TRPS1: variants seen among roughly 807,000 people sequenced by gnomAD.
The protein encoded by TRPS1 is transcriptional repressor GATA binding 1, also known as zinc finger transcription factor Trps1.
In TRPS1, 6 loss-of-function variants were observed where a neutral mutation model predicts 101.2. That is an observed-to-expected ratio of 0.06 (90% CI 0.03 to 0.12). The LOEUF is 0.12. Among genes scored for constraint, TRPS1 ranks in the 10% least tolerant of loss-of-function variants. TRPS1 has a pLI of 1.00. For missense variants in TRPS1, 1,363 were observed against 1,567.0 expected (o/e 0.87, Z 2.20); for synonymous variants, 578 against 589.8 (o/e 0.98, Z 0.29).
intron 5 of TRPS1, among the ~76,000 whole-genome samples, chr8:115,434,107 T>C (rs1036698176): frequency 0.012 from 1 of 82 alleles, no homozygotes; most frequent in East Asian, 0.17. Flanking sequence ...AGGATATCCA[T>C]TCAGACTACC....
chr8:115,566,102 G>T (rs956212295), intron 5 of TRPS1, among the ~76,000 whole-genome samples: 2 of 152,058 alleles, frequency 1.3e-5, no homozygotes, highest in African/African-American at 4.8e-5. Flanking sequence ...TAACATCTTT[G>T]ATACTAATGT....
chr8:115,657,415 C>G (rs1398912735), intron 1 of TRPS1, among the ~76,000 whole-genome samples: 3 of 152,112 alleles, frequency 2.0e-5, no homozygotes, highest in Non-Finnish European at 4.4e-5. Context: ...TTGAACTACA[C>G]TAGCTCAACT....
At chr8:115,532,140 A>G (rs978329804) in intron 5 of TRPS1, among the ~76,000 whole-genome samples, 2 of 152,160 alleles carry the variant, frequency 1.3e-5, no homozygotes, top group African/African-American at 4.8e-5. Context: ...CAGACCTTGG[A>G]AAATACATAT....
chr8:115,533,436 G>GTTTTTTTTGTTT (rs1816188680), intron 5 of TRPS1, among the ~76,000 whole-genome samples: 2 of 34,986 alleles, frequency 5.7e-5, no homozygotes, highest in Non-Finnish European at 1.1e-4. Context: ...CATGTAATCT[G>GTTTTTTTTGTTT]TTTTTTTTTT....
At chr8:115,596,735 C>G (rs1040988896) in intron 4 of TRPS1, among the ~76,000 whole-genome samples, 4 of 151,140 alleles carry the variant, frequency 2.6e-5, no homozygotes, top group Admixed American at 2.0e-4. Context: ...ATACATACAT[C>G]TATGTATGTG....
intron 5 of TRPS1, among the ~76,000 whole-genome samples, chr8:115,467,480 T>A (rs1399828880): frequency 6.6e-6 from 1 of 151,788 alleles, no homozygotes; most frequent in Non-Finnish European, 1.5e-5. Context: ...TGTACCCAAA[T>A]AAAGCTCATT....
chr8:115,459,869 C>T (rs1416201230), intron 5 of TRPS1, among the ~76,000 whole-genome samples: 2 of 151,984 alleles, frequency 1.3e-5, no homozygotes, highest in Admixed American at 6.6e-5. Context: ...TTTTTGTAGA[C>T]CAGTGGAGTA....
intron 5 of TRPS1, among the ~76,000 whole-genome samples, chr8:115,568,376 C>T (rs1192078380): frequency 6.6e-6 from 1 of 152,016 alleles, no homozygotes; most frequent in African/African-American, 2.4e-5. Context: ...ATAAATATGA[C>T]ATAATTGTAA....
chr8:115,438,190 T>A (rs559371843), intron 5 of TRPS1, among the ~76,000 whole-genome samples: 1 of 152,242 alleles, frequency 6.6e-6, no homozygotes, highest in Admixed American at 6.5e-5. Flanking sequence ...CATGGCACAC[T>A]AAATGAGACA....
Position 115,603,857 on chromosome 8 carries a change from AC to A in TRPS1, c.2096+15del. 1.2e-6 allele frequency: 2 copies of A among 1,612,662 alleles called. No individual in the cohort carries two copies. Among genetic ancestry groups the A allele is most frequent in the Non-Finnish European group, 1.7e-6 (2 of 1,179,598 alleles). The stretch of plus-strand genomic sequence containing the variant: ...TTATTTGTATATTCCTCCCGACCCC[AC>A]CCCCCATGCCTCACCTGTAGTGTCG... On this transcript the variant is annotated intron_variant, in intron 4 of 6. Transcript: ENST00000395715.
intron 2 of TRPS1, among the ~76,000 whole-genome samples, 187 bp from the exon 3 acceptor site, chr8:115,620,247 A>G (rs1426992191): frequency 6.6e-6 from 1 of 151,998 alleles, no homozygotes; most frequent in Non-Finnish European, 1.5e-5. Flanking sequence ...ATTTACATTT[A>G]GAATTACTTT....
intron 1 of TRPS1, among the ~76,000 whole-genome samples, chr8:115,667,381 T>C (rs1435210038): frequency 6.6e-6 from 1 of 152,168 alleles, no homozygotes; most frequent in Non-Finnish European, 1.5e-5. Context: ...CCTATAATCC[T>C]GGAGTTATTT....
chr8:115,565,804 A>G (rs1195814389), intron 5 of TRPS1, among the ~76,000 whole-genome samples: 1 of 152,138 alleles, frequency 6.6e-6, no homozygotes, highest in African/African-American at 2.4e-5. Context: ...AATGCCAACT[A>G]AAATAAATAT....
Position 115,414,452 on chromosome 8 carries a change from T to G in TRPS1, c.3456A>C (p.Gln1152His), listed in dbSNP as rs371525733. The stretch of plus-strand genomic sequence containing the variant: ...TGAAGGTGGGATAAGGCACATAGTT[T>G]TGGCAAGGATTTGGTAGGCCAGGCA... ...SHVPGLPNPC[Q>H]NYVPYPTFNL... is the part of the protein sequence containing the mutation. The change falls in exon 7 of 7, where the codon CAA (glutamine) becomes CAC (histidine). Residue 1152 changes from glutamine (Q) to histidine (H), a missense_variant. Transcript: ENST00000395715. This position sits in a 1 kb window ranked among gnomAD's most constrained non-coding sequence, Gnocchi z 4.8. 1 of 1,613,810 alleles carries G rather than the reference T, an allele frequency of 6.2e-7. No individual in the cohort carries two copies. Among genetic ancestry groups the G allele is most frequent in the Non-Finnish European group, 8.5e-7 (1 of 1,179,942 alleles).
Position 115,587,408 on chromosome 8 carries a change from G to A in TRPS1, c.2293C>T (p.Pro765Ser). 6.2e-7 allele frequency: 1 copy of A among 1,614,184 alleles called. No individual in the cohort carries two copies. Among genetic ancestry groups the A allele is most frequent in the Non-Finnish European group, 8.5e-7 (1 of 1,180,036 alleles). ...IDFRVYNLLT[P>S]DSKMGEPVSE... ...ACTGGCTCTCCCATTTTAGAGTCTG[G>A]AGTTAGCAGATTGTAGACCCTGAAG... Residue 765 changes from proline (P) to serine (S), a missense_variant, in exon 5 of 7, where the codon CCA becomes TCA. By Grantham distance (74) the Pro-to-Ser change is moderately conservative. Coordinates refer to ENST00000395715, the MANE Select transcript of TRPS1 (RefSeq NM_014112.5).
At chr8:115,656,689 T>A (rs553631682) in intron 1 of TRPS1, among the ~76,000 whole-genome samples, 2 of 152,252 alleles carry the variant, frequency 1.3e-5, no homozygotes, top group South Asian at 4.1e-4. Context: ...TCCCTCTAAC[T>A]ACTCCTTAGA....
chr8:115,580,731 C>T (rs1817427970), intron 5 of TRPS1, among the ~76,000 whole-genome samples: 2 of 152,120 alleles, frequency 1.3e-5, no homozygotes. Context: ...CTATGCCAGA[C>T]CTCACAAACA....
intron 5 of TRPS1, among the ~76,000 whole-genome samples, chr8:115,520,446 T>C (rs571311634): frequency 6.6e-6 from 1 of 152,012 alleles, no homozygotes; most frequent in East Asian, 1.9e-4. Context: ...ATGAACTAGA[T>C]GACAAGTATA....
At chr8:115,639,946 A>G (rs1001947668) in intron 1 of TRPS1, among the ~76,000 whole-genome samples, 1 of 152,224 alleles carries the variant, frequency 6.6e-6, no homozygotes, top group Non-Finnish European at 1.5e-5. Context: ...TGACAAACTG[A>G]GAGACCTTAA....
Sources: gnomAD v4.1 joint callset for allele counts (sites outside exome capture counted in the v4.1 genomes callset) on GRCh38, gnomAD v4.1.1 for gene constraint, Gnocchi (gnomAD v3.1) non-coding constraint, MANE v1.5 for transcripts, NCBI Gene and HGNC (gene_info 2026-07-23, HGNC 2026-07-21) for gene names.